Variants in METTL14 observed in about 807,000 individuals in gnomAD.
The protein encoded by METTL14 is N(6)-adenosine-methyltransferase non-catalytic subunit METTL14.
In METTL14, 32 loss-of-function variants were observed where a neutral mutation model predicts 62.4. The observed-to-expected ratio is 0.51, with a 90% confidence interval of 0.39 to 0.69. The LOEUF is 0.69. Ranked by LOEUF, METTL14 falls within the 30% of genes least tolerant of loss-of-function variation. The probability of loss-of-function intolerance (pLI) is 0.00; values close to 1 mark genes in which losing one functional copy is unlikely to be tolerated. For synonymous variants in METTL14, 150 were observed against 180.0 expected, an observed-to-expected ratio of 0.83 and a Z score of 1.34; for missense variants, 340 against 551.9, an observed-to-expected ratio of 0.62 and a Z score of 3.85.
At chr4:118,700,765 T>C (rs1724563856) in intron 8 of METTL14, 123 bp downstream of exon 8, 3 of 630,364 alleles carry the variant, frequency 4.8e-6, no homozygotes, top group East Asian at 3.0e-5. Flanking sequence ...AATTCTAAAA[T>C]AGTGAGAAAA....
Position 118,711,211 on chromosome 4 carries a change from A to G in METTL14, c.*909A>G, listed in dbSNP as rs1724909616. On this transcript the variant is annotated 3_prime_UTR_variant, in exon 11 of 11. Coordinates refer to ENST00000388822, the MANE Select transcript of METTL14 (RefSeq NM_020961.4). The stretch of plus-strand genomic sequence containing the variant: ...GAGATAGTTTAATGTAAAACCAACT[A>G]CGGAAAACCCTCAACTTAAGGATAC... 6.6e-6 allele frequency: 1 copy of G among 152,226 alleles called. No individual in the cohort carries two copies. The highest frequency in any genetic ancestry group is 2.1e-4 in the South Asian group (1 of 4,832). 9.4% of individuals were successfully genotyped at this position (152,226 alleles called of 1,614,324 possible).
Position 118,692,053 on chromosome 4 carries a change from T to G in METTL14, c.397T>G (p.Phe133Val). 1 of 1,608,090 alleles carries G rather than the reference T, an allele frequency of 6.2e-7. No individual in the cohort carries two copies. The highest frequency in any genetic ancestry group is 8.5e-7 in the Non-Finnish European group (1 of 1,175,982). The part of the protein sequence containing the change: ...FVDTGHRPQN[F>V]IRDVGLADRF... ...AGACACTGGACATAGACCTCAGAAT[T>G]TCATCAGGGATGTAGGTATGTCAGG... is the stretch of plus-strand genomic sequence containing the variant. The change falls in exon 5 of 11, where the codon TTC becomes GTC. Residue 133 changes from phenylalanine to valine, a missense_variant. Phe to Val is a conservative substitution (Grantham distance 50). This residue lies in a region of METTL14 where 16 missense variants were observed against 70.3 expected (regional missense o/e 0.23). Coordinates refer to ENST00000388822, the MANE Select transcript of METTL14 (RefSeq NM_020961.4).
At chr4:118,705,583 G>T (rs760978776) in intron 9 of METTL14, 28 bp from the exon 10 acceptor site, 1 of 1,572,914 alleles carries the variant, frequency 6.4e-7, no homozygotes, top group Admixed American at 1.7e-5. Context: ...GATGAAAACA[G>T]ATTAATTGGT....
intron 8 of METTL14, among the ~76,000 whole-genome samples, chr4:118,701,901 C>T (rs893490375): frequency 2.6e-5 from 4 of 152,056 alleles, no homozygotes; most frequent in African/African-American, 9.7e-5. Context: ...TCATTGCTTC[C>T]ATCATTTATT....
chr4:118,704,044 GAAC>G lies in METTL14; in HGVS notation c.851_853del (p.Thr284del). On this transcript the variant is annotated inframe_deletion, in exon 9 of 11. Transcript: ENST00000388822. ...TTAGATCCAAAGGCTGTCTTTCAGA[GAAC>G]AAAGGTATTGCCTTTACTGATTTGT... The G allele has an allele frequency of 6.4e-7, 1 of 1,564,752 alleles. No homozygotes were observed. The highest frequency in any genetic ancestry group is 8.7e-7 in the Non-Finnish European group (1 of 1,155,370).
rs1486740290 is a variant in METTL14 at position 118,685,419 on chromosome 4, A to T, written c.-116A>T. 3.9e-6 allele frequency: 4 copies of T among 1,038,746 alleles called. No individual in the cohort carries two copies. The highest frequency in any genetic ancestry group is 6.0e-6 in the Non-Finnish European group (4 of 668,028). 64.3% of individuals were successfully genotyped at this position (1,038,746 alleles called of 1,614,324 possible). On this transcript the variant is annotated 5_prime_UTR_variant, in exon 1 of 11. Coordinates refer to ENST00000388822, the MANE Select transcript of METTL14 (RefSeq NM_020961.4). ...GTCTCTACTGAGGAAAGCTATGAGG[A>T]TACTCTGTTCGTAAGCTCCCGGTGA...
chr4:118,689,575 G>T, intron 3 of METTL14, 118 bp downstream of exon 3: 1 of 545,254 alleles, frequency 1.8e-6, no homozygotes. Flanking sequence ...TAAAATAATT[G>T]TCAGTGGCAT....
intron 8 of METTL14, among the ~76,000 whole-genome samples, chr4:118,702,939 T>TTAC (rs200040316): frequency 1.1e-4 from 2 of 18,358 alleles, no homozygotes; most frequent in African/African-American, 1.6e-4. Flanking sequence ...TTGGAAGGTT[T>TTAC]TATTATTATT....
intron 2 of METTL14, 44 bp from the exon 3 acceptor site, chr4:118,689,326 C>T (rs2110464561): frequency 9.6e-7 from 1 of 1,037,494 alleles, no homozygotes; most frequent in Non-Finnish European, 1.4e-6. Flanking sequence ...TGCATTTATA[C>T]ATCTTGTATA....
intron 7 of METTL14, 131 bp downstream of exon 7, chr4:118,697,454 A>G (rs536000766): frequency 2.0e-5 from 16 of 797,182 alleles, no homozygotes; most frequent in South Asian, 1.9e-4. Flanking sequence ...TATAGTGTAA[A>G]TTATAGCTGA....
In METTL14 at chr4:118,697,172, A is replaced by T. The variant is rs1371530116; in HGVS notation, c.504-10A>T. The T allele has an allele frequency of 2.0e-5, 31 of 1,571,176 alleles. No individual in the cohort carries two copies. Among genetic ancestry groups the T allele is most frequent in the Non-Finnish European group, 2.6e-5 (30 of 1,166,324 alleles). On this transcript the variant is annotated splice_polypyrimidine_tract_variant and intron_variant, in intron 6 of 10. Transcript: ENST00000388822. The stretch of plus-strand genomic sequence containing the variant: ...TTAAAAACCTCATTTTTAATGCTTT[A>T]ATCAAATAGGTACTTACAAGCCGAT...
intron 10 of METTL14, among the ~76,000 whole-genome samples, chr4:118,708,119 C>G (rs913061687): frequency 6.6e-6 from 1 of 152,146 alleles, no homozygotes; most frequent in African/African-American, 2.4e-5. Flanking sequence ...CCACCACACA[C>G]CCAAGCCAGA....
chr4:118,693,040 A>G lies in METTL14; in HGVS notation c.412+972A>G, dbSNP rs549364344. Among the ~76,000 whole-genome samples, 122 of 152,274 alleles carry G rather than the reference A, an allele frequency of 8.0e-4. 1 individual carries two copies. Among genetic ancestry groups the G allele is most frequent in the African/African-American group, 2.7e-3 (111 of 41,554 alleles). Reference sequence around the variant, plus strand: ...AAATTGCCAAGTAATATGCTATTGTATATGTTTACCTTTCTGACAACTACT... The same window carrying G: ...AAATTGCCAAGTAATATGCTATTGTGTATGTTTACCTTTCTGACAACTACT... On this transcript the variant is annotated intron_variant, in intron 5 of 10. Coordinates refer to ENST00000388822, the MANE Select transcript of METTL14 (RefSeq NM_020961.4).
chr4:118,701,125 A>G (rs553726430), intron 8 of METTL14, among the ~76,000 whole-genome samples: 2 of 151,600 alleles, frequency 1.3e-5, no homozygotes, highest in Non-Finnish European at 2.9e-5. Flanking sequence ...TAAGTATCTG[A>G]TATTTAATTG....
intron 10 of METTL14, among the ~76,000 whole-genome samples, chr4:118,708,115 C>T (rs988625981): frequency 7.2e-5 from 11 of 152,164 alleles, no homozygotes; most frequent in Admixed American, 5.2e-4. Flanking sequence ...TGAGCCACCA[C>T]ACACCCAAGC....
At chr4:118,709,862 T>C (rs1724865126) in intron 10 of METTL14, 136 bp from the exon 11 acceptor site, 1 of 806,922 alleles carries the variant, frequency 1.2e-6, no homozygotes, top group African/African-American at 1.7e-5. Context: ...TTAAGTGCCA[T>C]TCTGTAAAAG....
intron 3 of METTL14, among the ~76,000 whole-genome samples, chr4:118,690,682 A>T (rs1274661805): frequency 2.0e-5 from 3 of 151,854 alleles, no homozygotes; most frequent in Non-Finnish European, 4.4e-5. Context: ...TGTCTCAAAA[A>T]AAAAAAAAAA....
At chr4:118,708,606 A>G (rs1285334599) in intron 10 of METTL14, among the ~76,000 whole-genome samples, 1 of 152,228 alleles carries the variant, frequency 6.6e-6, no homozygotes, top group Non-Finnish European at 1.5e-5. Flanking sequence ...AATGTTTTAA[A>G]AAACAATGAA....
chr4:118,705,871 T>G (rs772133534), intron 10 of METTL14, 50 bp downstream of exon 10: 1 of 1,372,522 alleles, frequency 7.3e-7, no homozygotes, highest in Non-Finnish European at 1.0e-6. Flanking sequence ...GTTATGCATG[T>G]CAAGAAATAG....
Sources: allele counts gnomAD v4.1 joint callset (sites outside exome capture counted in the v4.1 genomes callset), GRCh38; gene constraint gnomAD v4.1.1; regional missense constraint gnomAD v4.1.1; transcripts MANE v1.5; gene names NCBI Gene and HGNC (gene_info 2026-07-23, HGNC 2026-07-21).